The following MAPK12 variants were observed in gnomAD, a reference collection of about 807,000 sequenced individuals.
MAPK12 encodes the protein MAP kinase 12.
Under a neutral mutation model 49.1 loss-of-function variants are expected in MAPK12, and 49 were observed. That is an observed-to-expected ratio of 1.00 (90% CI 0.79 to 1.27). MAPK12 has a LOEUF of 1.27. MAPK12 is among the 50% of genes most tolerant of loss of function. The pLI, the probability that MAPK12 is intolerant of heterozygous loss-of-function variation, is 0.00. For synonymous variants in MAPK12, 251 were observed against 209.7 expected, an observed-to-expected ratio of 1.20 and a Z score of -1.70; for missense variants, 554 against 502.4, an observed-to-expected ratio of 1.10 and a Z score of -0.98.
chr22:50,261,541 C>A lies in MAPK12; in HGVS notation c.-32G>T. 1.8e-6 allele frequency: 2 copies of A among 1,082,958 alleles called. No homozygotes were observed. The highest frequency in any genetic ancestry group is 2.3e-6 in the Non-Finnish European group (2 of 886,352). The allele number at this position is 1,082,958 out of a possible 1,614,324, so 67.1% of individuals were successfully genotyped here. On this transcript the variant is annotated 5_prime_UTR_variant, in exon 1 of 12. Transcript: ENST00000215659. ...CCCGGGAGCTGCCCACCCCGCAGAG[C>A]CTGCGGGCGGTGCCCCCACGACCGG...
chr22:50,261,035 G>A (rs1301064042), intron 2 of MAPK12, 132 bp downstream of exon 2: 6 of 1,069,474 alleles, frequency 5.6e-6, no homozygotes, highest in Non-Finnish European at 6.2e-6. Flanking sequence ...CTCCCCTGGG[G>A]ACCCACGGCC....
rs540227121 is a variant in MAPK12 at position 50,253,032 on chromosome 22, C to T, written c.*369G>A. ...GAGGGGATGTCCCTGAGTTGGTGCC[C>T]TGCGCCCACCCTCTGTCCTTCCTCT... On this transcript the variant is annotated 3_prime_UTR_variant, in exon 12 of 12. Transcript: ENST00000215659. The T allele has an allele frequency of 3.0e-6, 1 of 338,380 alleles. No individual in the cohort carries two copies. Among genetic ancestry groups the T allele is most frequent in the East Asian group, 7.5e-5 (1 of 13,246 alleles). The allele number at this position is 338,380 out of a possible 1,614,324, so 21.0% of individuals were successfully genotyped here. A position where few individuals can be genotyped will look rare whatever the true frequency, so the allele number is the denominator to read the frequency against.
At chr22:50,260,058 G>A (rs2065194947) in intron 2 of MAPK12, among the ~76,000 whole-genome samples, 1 of 150,778 alleles carries the variant, frequency 6.6e-6, no homozygotes, top group South Asian at 2.1e-4. Context: ...AGTGGGGGCA[G>A]GGCTGGGTGT....
rs780265256 is a variant in MAPK12, at chr22:50,261,284, G to C, written c.138C>G (p.Asp46Glu). Residue 46 changes from aspartate (D) to glutamate (E), a missense_variant, in exon 2 of 12, where the codon GAC (aspartate) becomes GAG (glutamate). By Grantham distance (45) the Asp-to-Glu change is conservative. Transcript: ENST00000215659. ...TGGCCACCTTAGCGCCGGTGCGGCCGTCCACGGCCGAGCTGCGGGGCGGAC... is the reference window on the plus strand; with the variant it reads ...TGGCCACCTTAGCGCCGGTGCGGCCCTCCACGGCCGAGCTGCGGGGCGGAC... Reference protein sequence around the residue: ...GAYGAVCSAVDGRTGAKVAIK... With the variant: ...GAYGAVCSAVEGRTGAKVAIK... 1 of 1,497,990 alleles carries C rather than the reference G, an allele frequency of 6.7e-7. No individual in the cohort carries two copies. The highest frequency in any genetic ancestry group is 2.2e-5 in the Admixed American group (1 of 46,468). The allele number at this position is 1,497,990 out of a possible 1,614,324, so 92.8% of individuals were successfully genotyped here.
At position 50,252,998 on chromosome 22, in the gene MAPK12, C is replaced by T. The variant is rs894266172; in HGVS notation, c.*403G>A. On this transcript the variant is annotated 3_prime_UTR_variant, in exon 12 of 12. Coordinates refer to ENST00000215659, the MANE Select transcript of MAPK12 (RefSeq NM_002969.6). ...GGGGTGCAGGAAGGTCCACTGACGTCGCCCAGGAGAGGGGATGTCCCTGAG... is the reference window on the plus strand; with the variant it reads ...GGGGTGCAGGAAGGTCCACTGACGTTGCCCAGGAGAGGGGATGTCCCTGAG... The T allele has an allele frequency of 8.7e-5, 25 of 287,324 alleles. No individual in the cohort carries two copies. Among genetic ancestry groups the T allele is most frequent in the Non-Finnish European group, 1.4e-4 (20 of 146,778 alleles). The allele number at this position is 287,324 out of a possible 1,614,324, so 17.8% of individuals were successfully genotyped here.
chr22:50,255,009 G>A (rs2065133019), intron 11 of MAPK12, 188 bp downstream of exon 11: 1 of 1,465,866 alleles, frequency 6.8e-7, no homozygotes, highest in South Asian at 1.4e-5. Context: ...CCAGGGATGG[G>A]GATCTAGGAC....
At position 50,261,487 on chromosome 22, in the gene MAPK12, C is replaced by T. The variant is rs1340516937; in HGVS notation, c.23G>A (p.Arg8His). The T allele has an allele frequency of 1.6e-6, 2 of 1,255,078 alleles. No homozygotes were observed. Among genetic ancestry groups the T allele is most frequent in the Non-Finnish European group, 2.0e-6 (2 of 976,124 alleles). 77.7% of individuals were successfully genotyped at this position (1,255,078 alleles called of 1,614,324 possible). Reference sequence around the variant, plus strand: ...CACCTCCTGGCGGTAAAAGCCACTGCGGGCGGGCGGCGGAGAGCTCATGGC... The same window carrying T: ...CACCTCCTGGCGGTAAAAGCCACTGTGGGCGGGCGGCGGAGAGCTCATGGC... MSSPPPA[R>H]SGFYRQEVTK... Residue 8 changes from arginine to histidine, a missense_variant, in exon 1 of 12, where the codon CGC becomes CAC. Arg to His is a conservative substitution (Grantham distance 29). Coordinates refer to ENST00000215659, the MANE Select transcript of MAPK12 (RefSeq NM_002969.6).
intron 11 of MAPK12, 94 bp from the exon 12 acceptor site, chr22:50,253,574 C>T (rs546532322): frequency 6.1e-5 from 43 of 706,020 alleles, no homozygotes; most frequent in South Asian, 4.5e-4. Flanking sequence ...GGCGGTGCCT[C>T]GTGGGGCCCT....
intron 8 of MAPK12, 54 bp downstream of exon 8, chr22:50,255,756 T>G: frequency 6.2e-7 from 1 of 1,607,964 alleles, no homozygotes; most frequent in Non-Finnish European, 8.5e-7. Flanking sequence ...TGCCCCCACC[T>G]GGGCAGGAGC....
rs1315454678 is a variant in MAPK12, at chr22:50,253,251, C to G, written c.*150G>C. ...GGGCGCCCAAGAGCAGAGGCATGGC[C>G]GTGGGGAGGAGGGTCCATGGAACCC... On this transcript the variant is annotated 3_prime_UTR_variant, in exon 12 of 12. Transcript: ENST00000215659. 1.4e-6 allele frequency: 1 copy of G among 705,170 alleles called. No individual in the cohort carries two copies. The highest frequency in any genetic ancestry group is 2.6e-6 in the Non-Finnish European group (1 of 384,856). 43.7% of individuals were successfully genotyped at this position (705,170 alleles called of 1,614,324 possible). A position where few individuals can be genotyped will look rare whatever the true frequency, so the allele number is the denominator to read the frequency against.
intron 6 of MAPK12, among the ~76,000 whole-genome samples, 165 bp from the exon 7 acceptor site, chr22:50,256,364 G>A (rs1350234665): frequency 6.6e-6 from 1 of 152,168 alleles, no homozygotes; most frequent in Non-Finnish European, 1.5e-5. Flanking sequence ...AAACTGCCCC[G>A]AGCTCCTCCC....
intron 11 of MAPK12, chr22:50,253,892 A>T (rs1036971006): frequency 5.0e-6 from 1 of 201,652 alleles, no homozygotes; most frequent in East Asian, 1.4e-4. Flanking sequence ...GCACCCAGGG[A>T]CCCGTGGTCG....
intron 3 of MAPK12, chr22:50,257,892 A>C (rs771646092): frequency 2.6e-6 from 2 of 770,940 alleles, no homozygotes; most frequent in Non-Finnish European, 4.8e-6. Flanking sequence ...AAAGGTCAGC[A>C]GCTCCAGTTA....
At chr22:50,259,626 T>C (rs1051738317) in intron 2 of MAPK12, among the ~76,000 whole-genome samples, 1 of 152,126 alleles carries the variant, frequency 6.6e-6, no homozygotes, top group Non-Finnish European at 1.5e-5. Flanking sequence ...CTCACGCCTG[T>C]AACCCCAGCA....
At chr22:50,253,567 G>A (rs528405820) in intron 11 of MAPK12, 87 bp from the exon 12 acceptor site, 21 of 720,920 alleles carry the variant, frequency 2.9e-5, no homozygotes, top group East Asian at 2.4e-4. Flanking sequence ...CACGCCTGGC[G>A]GTGCCTCGTG....
chr22:50,260,009 G>A (rs2065193997), intron 2 of MAPK12, among the ~76,000 whole-genome samples: 1 of 138,612 alleles, frequency 7.2e-6, no homozygotes, highest in African/African-American at 2.6e-5. Context: ...CAAGGCCTTG[G>A]TGTGATGGGC....
chr22:50,254,677 G>A (rs1046573565), intron 11 of MAPK12: 19 of 1,030,468 alleles, frequency 1.8e-5, no homozygotes, highest in Non-Finnish European at 2.2e-5. Flanking sequence ...GGCAAGGAGA[G>A]GCAAGGACAG....
chr22:50,260,235 TTTGCTGGTGGAC>T (rs1387560204), intron 2 of MAPK12, among the ~76,000 whole-genome samples: 7 of 17,170 alleles, frequency 4.1e-4, no homozygotes, highest in South Asian at 4.0e-3. Flanking sequence ...GACGGGGCAC[TTTGCTGGTGGAC>T]GGGGCACTTT....
rs896655539 is a variant in MAPK12, at chr22:50,256,968, C to T, written c.427-4G>A. On this transcript the variant is annotated splice_polypyrimidine_tract_variant and splice_region_variant and intron_variant, in intron 4 of 11. Transcript: ENST00000215659. ...TGATGCCGGCAGCGTGGATATACTGCGGGGGGCAGAGGATTTGGCAGGCTT... is the reference window on the plus strand; with the variant it reads ...TGATGCCGGCAGCGTGGATATACTGTGGGGGGCAGAGGATTTGGCAGGCTT... The T allele has an allele frequency of 2.4e-5, 38 of 1,606,314 alleles. No individual in the cohort carries two copies. The highest frequency in any genetic ancestry group is 1.6e-4 in the Middle Eastern group (1 of 6,068).
Sources: gnomAD v4.1 joint callset for allele counts (sites outside exome capture counted in the v4.1 genomes callset) on GRCh38, gnomAD v4.1.1 for gene constraint, MANE v1.5 for transcripts, NCBI Gene and HGNC (gene_info 2026-07-23, HGNC 2026-07-21) for gene names.